The following BTBD9 variants were observed in gnomAD, a reference collection of about 807,000 sequenced individuals.
BTBD9 encodes the protein BTB domain containing 9.
A neutral mutation model predicts 64.3 loss-of-function variants in BTBD9; 49 were observed. The observed-to-expected ratio is 0.76, with a 90% confidence interval of 0.61 to 0.97. The LOEUF (loss-of-function observed/expected upper bound fraction) is 0.97. Ranked by LOEUF, BTBD9 falls within the 50% of genes least tolerant of loss-of-function variation. The probability of loss-of-function intolerance (pLI) is 0.00; values close to 1 mark genes in which losing one functional copy is unlikely to be tolerated. For synonymous variants in BTBD9, 260 were observed against 274.7 expected (o/e 0.95, Z 0.53); for missense variants, 598 against 762.1 (o/e 0.78, Z 2.53).
At chr6:38,601,671 G>GC (rs1190557477) in intron 1 of BTBD9, among the ~76,000 whole-genome samples, 1 of 151,960 alleles carries the variant, frequency 6.6e-6, no homozygotes, top group Non-Finnish European at 1.5e-5. Context: ...GGGCAACACA[G>GC]CAAGACCCTG....
At chr6:38,632,928 T>C (rs1238530457) in intron 1 of BTBD9, among the ~76,000 whole-genome samples, 1 of 152,026 alleles carries the variant, frequency 6.6e-6, no homozygotes, top group Admixed American at 6.6e-5. Flanking sequence ...CCAGACCCTG[T>C]CTCTATTTGA....
At chr6:38,352,313 G>T (rs192970856) in intron 6 of BTBD9, among the ~76,000 whole-genome samples, 6 of 151,952 alleles carry the variant, frequency 3.9e-5, no homozygotes, top group African/African-American at 1.4e-4. Context: ...GGAAGTTGAG[G>T]CTGTAGTGAG....
At chr6:38,299,033 T>C (rs1237473881) in intron 7 of BTBD9, among the ~76,000 whole-genome samples, 1 of 152,040 alleles carries the variant, frequency 6.6e-6, no homozygotes, top group Middle Eastern at 3.4e-3. Context: ...CAATCCCCAG[T>C]GTGTGATGTT....
intron 9 of BTBD9, among the ~76,000 whole-genome samples, chr6:38,219,215 A>G (rs1400041701): frequency 2.2e-5 from 3 of 137,666 alleles, no homozygotes; most frequent in Non-Finnish European, 4.5e-5. Flanking sequence ...GCTCACTGCC[A>G]GCTCCGCCTC....
intron 6 of BTBD9, among the ~76,000 whole-genome samples, chr6:38,537,598 G>A (rs1331213934): frequency 6.6e-6 from 1 of 152,160 alleles, no homozygotes; most frequent in African/African-American, 2.4e-5. Flanking sequence ...TGGGGAGTTA[G>A]AGAAAGTGCT....
At chr6:38,316,051 CTATA>C (rs1318796046) in intron 7 of BTBD9, among the ~76,000 whole-genome samples, 1 of 152,120 alleles carries the variant, frequency 6.6e-6, no homozygotes, top group African/African-American at 2.4e-5. Context: ...CCCTTTATCA[CTATA>C]TATGATCTTA....
intron 9 of BTBD9, among the ~76,000 whole-genome samples, chr6:38,198,511 A>G (rs1231667395): frequency 6.6e-6 from 1 of 152,224 alleles, no homozygotes. Flanking sequence ...CTCTGTCCTG[A>G]GCCTTGTTTT....
chr6:38,449,560 G>A (rs1264543834), intron 6 of BTBD9, among the ~76,000 whole-genome samples: 1 of 151,914 alleles, frequency 6.6e-6, no homozygotes, highest in Non-Finnish European at 1.5e-5. Context: ...GAGAAAACTA[G>A]ATATCCACAT....
intron 7 of BTBD9, among the ~76,000 whole-genome samples, chr6:38,295,379 T>C (rs1762121794): frequency 6.6e-6 from 1 of 151,990 alleles, no homozygotes; most frequent in South Asian, 2.1e-4. Context: ...TTGCCCAGGC[T>C]GGTCTTGAAC....
intron 10 of BTBD9, among the ~76,000 whole-genome samples, chr6:38,191,149 A>C (rs1762057724): frequency 6.6e-6 from 1 of 152,230 alleles, no homozygotes; most frequent in African/African-American, 2.4e-5. Context: ...TTTTGAAATA[A>C]AGAGGCAAGA....
At chr6:38,323,060 G>C (rs1023409652) in intron 7 of BTBD9, among the ~76,000 whole-genome samples, 1 of 152,236 alleles carries the variant, frequency 6.6e-6, no homozygotes, top group East Asian at 1.9e-4. Context: ...AGCTGAGACT[G>C]AGATTCAGAG....
intron 8 of BTBD9, among the ~76,000 whole-genome samples, chr6:38,268,246 A>C (rs951122678): frequency 6.6e-6 from 1 of 152,210 alleles, no homozygotes; most frequent in African/African-American, 2.4e-5. Flanking sequence ...TCTCCTGCCC[A>C]TCCGCTGAAC....
chr6:38,312,272 T>C (rs1762868037), intron 7 of BTBD9, among the ~76,000 whole-genome samples: 1 of 152,206 alleles, frequency 6.6e-6, no homozygotes, highest in Non-Finnish European at 1.5e-5. Context: ...GTTTTCCCTA[T>C]AGAGTTGTTT....
intron 6 of BTBD9, among the ~76,000 whole-genome samples, chr6:38,564,292 T>TG (rs1775385661): frequency 6.6e-6 from 1 of 152,150 alleles, no homozygotes; most frequent in Non-Finnish European, 1.5e-5. Context: ...GCTTTAAGGG[T>TG]GGGGGATGTG....
chr6:38,189,472 A>G (rs761532276), intron 10 of BTBD9, among the ~76,000 whole-genome samples: 1 of 152,150 alleles, frequency 6.6e-6, no homozygotes, highest in Non-Finnish European at 1.5e-5. Flanking sequence ...TTGATGCCCA[A>G]TAAAGTTCAG....
intron 6 of BTBD9, among the ~76,000 whole-genome samples, chr6:38,489,194 C>A (rs1485818364): frequency 6.6e-6 from 1 of 152,100 alleles, no homozygotes; most frequent in Admixed American, 6.5e-5. Context: ...CTGTGCCTGG[C>A]CCTTACAGCT....
intron 6 of BTBD9, among the ~76,000 whole-genome samples, chr6:38,456,987 A>G (rs1477662350): frequency 6.6e-6 from 1 of 152,232 alleles, no homozygotes; most frequent in African/African-American, 2.4e-5. Context: ...CTGAGGTGAT[A>G]TTTAAACTAA....
chr6:38,341,033 G>A (rs947137272), intron 7 of BTBD9, among the ~76,000 whole-genome samples: 3 of 152,132 alleles, frequency 2.0e-5, no homozygotes, highest in African/African-American at 4.8e-5. Flanking sequence ...CACTCTATAC[G>A]AGAAAAGCCT....
intron 9 of BTBD9, among the ~76,000 whole-genome samples, chr6:38,236,043 ACT>A (rs1763767417): frequency 6.6e-6 from 1 of 152,100 alleles, no homozygotes; most frequent in Non-Finnish European, 1.5e-5. Flanking sequence ...GGAAACTGAG[ACT>A]CTGGATCTCT....
Sources: allele counts gnomAD v4.1 joint callset (sites outside exome capture counted in the v4.1 genomes callset), GRCh38; gene constraint gnomAD v4.1.1; transcripts MANE v1.5; gene names NCBI Gene and HGNC (gene_info 2026-07-23, HGNC 2026-07-21).